MYO16: variants seen among roughly 807,000 people sequenced by gnomAD.
The protein encoded by MYO16 is unconventional myosin-XVI.
Under a neutral mutation model 205.3 loss-of-function variants are expected in MYO16, and 94 were observed. The observed-to-expected ratio is 0.46, with a 90% CI of 0.39 to 0.54. The LOEUF (loss-of-function observed/expected upper bound fraction) is 0.54. Ranked by LOEUF, MYO16 falls within the 20% of genes least tolerant of loss-of-function variation. MYO16 has a pLI of 0.00. For synonymous variants in MYO16, 988 were observed against 954.0 expected (o/e 1.04, Z -0.66); for missense variants, 2,315 against 2,387.5 (o/e 0.97, Z 0.63).
At chr13:108,558,559 G>A in the MYO16 span, among the ~76,000 whole-genome samples, 1 of 152,222 alleles carries the variant, frequency 6.6e-6, no homozygotes, top group Non-Finnish European at 1.5e-5. Flanking sequence ...TGAGGGAAGT[G>A]AGGAGAGGAT....
chr13:109,136,369 A>G (rs899572568), intron 31 of MYO16, among the ~76,000 whole-genome samples: 10 of 152,196 alleles, frequency 6.6e-5, no homozygotes, highest in Non-Finnish European at 4.4e-5. Context: ...ATGGGATTGC[A>G]GGCATGAGTC....
intron 16 of MYO16, among the ~76,000 whole-genome samples, chr13:108,930,591 A>G (rs1406913670): frequency 4.6e-5 from 7 of 152,348 alleles, no homozygotes; most frequent in Admixed American, 2.0e-4. Context: ...ATTTTAAATT[A>G]GAAGTAAAAG....
At chr13:108,496,621 CG>C in the MYO16 span, among the ~76,000 whole-genome samples, 1 of 152,190 alleles carries the variant, frequency 6.6e-6, no homozygotes, top group African/African-American at 2.4e-5. Flanking sequence ...GGAAGTGCTC[CG>C]TTTAATTGGT....
At position 108,705,670 on chromosome 13, in the gene MYO16, TG is replaced by T. The variant is rs560294153; in HGVS notation, c.293-6990del. Among the ~76,000 whole-genome samples, 129 of 152,288 alleles carry T rather than the reference TG, an allele frequency of 8.5e-4. 1 individual carries two copies. The highest frequency in any genetic ancestry group is 2.9e-3 in the African/African-American group (121 of 41,552). On this transcript the variant is annotated intron_variant, in intron 2 of 34. Transcript: ENST00000457511. ...CAAGCATACACTGGAGATCTTGGAC[TG>T]TATCCCCCAGAGAAAAGGGAAGTAT...
intron 9 of MYO16, among the ~76,000 whole-genome samples, chr13:108,844,028 G>C (rs535428074): frequency 6.6e-6 from 1 of 152,116 alleles, no homozygotes; most frequent in South Asian, 2.1e-4. Context: ...GTCTAGTTCA[G>C]CCATGCATTT....
intron 4 of MYO16, among the ~76,000 whole-genome samples, chr13:108,752,475 T>C (rs1173964470): frequency 3.3e-5 from 5 of 152,176 alleles, no homozygotes; most frequent in Non-Finnish European, 7.3e-5. Context: ...CCGGGATAAC[T>C]CTGTAAGTGC....
the MYO16 span, among the ~76,000 whole-genome samples, chr13:108,553,288 G>A: frequency 1.3e-5 from 2 of 152,124 alleles, no homozygotes; most frequent in African/African-American, 4.8e-5. Context: ...ACCGCGCCTG[G>A]CGTTAATACT....
At chr13:109,147,687 G>A (rs1274302887) in intron 32 of MYO16, among the ~76,000 whole-genome samples, 1 of 152,040 alleles carries the variant, frequency 6.6e-6, no homozygotes, top group African/African-American at 2.4e-5. Flanking sequence ...TGGGGAGTTG[G>A]GGGTGGGAGT....
chr13:108,690,275 AT>A (rs1324312359), intron 2 of MYO16, among the ~76,000 whole-genome samples: 2 of 151,334 alleles, frequency 1.3e-5, no homozygotes, highest in African/African-American at 2.4e-5. Flanking sequence ...TCTTTTCTTT[AT>A]TTTCCTTTGC....
chr13:108,570,442 T>G, the MYO16 span, among the ~76,000 whole-genome samples: 1 of 151,854 alleles, frequency 6.6e-6, no homozygotes, highest in Non-Finnish European at 1.5e-5. Flanking sequence ...AGAGATGGGG[T>G]TCCTACTATT....
intron 4 of MYO16, among the ~76,000 whole-genome samples, chr13:108,783,440 C>T (rs1886366684): frequency 6.6e-6 from 1 of 152,126 alleles, no homozygotes; most frequent in South Asian, 2.1e-4. Flanking sequence ...GGCTCATAGG[C>T]AGAAGGGACT....
At chr13:109,054,981 C>T (rs760973965) in intron 25 of MYO16, 65 bp from the exon 26 acceptor site, 2 of 1,050,300 alleles carry the variant, frequency 1.9e-6, no homozygotes, top group Non-Finnish European at 2.8e-6. Context: ...TCCTTTTCCT[C>T]CTTCTTCCTT....
intron 4 of MYO16, among the ~76,000 whole-genome samples, chr13:108,732,581 G>A (rs1239113105): frequency 6.6e-6 from 1 of 152,150 alleles, no homozygotes; most frequent in Non-Finnish European, 1.5e-5. Flanking sequence ...AAGTGACAGG[G>A]GTCAGGGGAT....
intron 1 of MYO16, among the ~76,000 whole-genome samples, chr13:108,606,199 T>C (rs896171823): frequency 1.3e-5 from 2 of 152,182 alleles, no homozygotes; most frequent in Non-Finnish European, 2.9e-5. Context: ...AAAATCAATT[T>C]TCTGGAGAGA....
At chr13:108,999,554 T>C (rs1885145808) in intron 21 of MYO16, among the ~76,000 whole-genome samples, 1 of 152,230 alleles carries the variant, frequency 6.6e-6, no homozygotes, top group Non-Finnish European at 1.5e-5. Flanking sequence ...TCTGTGTTTA[T>C]AGATAGCATG....
intron 12 of MYO16, among the ~76,000 whole-genome samples, chr13:108,869,790 A>C (rs891998187): frequency 4.0e-5 from 6 of 149,206 alleles, no homozygotes; most frequent in Non-Finnish European, 8.9e-5. Flanking sequence ...CTTACCTTAA[A>C]CTAGCAAGTT....
At chr13:108,687,464 A>T (rs150851854) in intron 2 of MYO16, among the ~76,000 whole-genome samples, 1 of 152,156 alleles carries the variant, frequency 6.6e-6, no homozygotes, top group Non-Finnish European at 1.5e-5. Context: ...GAAAAATCAC[A>T]GCCTCTCATA....
intron 3 of MYO16, among the ~76,000 whole-genome samples, chr13:108,724,384 T>C (rs943547799): frequency 6.6e-6 from 1 of 152,200 alleles, no homozygotes; most frequent in Non-Finnish European, 1.5e-5. Context: ...ATCTTCCTGG[T>C]TTCAGTGGAA....
At chr13:109,033,310 C>T (rs978647086) in intron 23 of MYO16, among the ~76,000 whole-genome samples, 3 of 152,194 alleles carry the variant, frequency 2.0e-5, no homozygotes, top group Non-Finnish European at 2.9e-5. Context: ...GCAGCTCAGA[C>T]GGCTTCTCCT....
Sources: allele counts gnomAD v4.1 joint callset (sites outside exome capture counted in the v4.1 genomes callset), GRCh38; gene constraint gnomAD v4.1.1; transcripts MANE v1.5; gene names NCBI Gene and HGNC (gene_info 2026-07-23, HGNC 2026-07-21).